GKAP1: variants seen among roughly 807,000 people sequenced by gnomAD.
GKAP1 encodes the protein G kinase anchoring protein 1.
GKAP1 carries 31 observed loss-of-function variants against 56.7 expected under a neutral mutation model. The observed-to-expected ratio is 0.55, with a 90% CI of 0.41 to 0.74. The LOEUF is 0.74. Ranked by LOEUF, GKAP1 falls within the 30% of genes least tolerant of loss-of-function variation. GKAP1 has a pLI of 0.00. For synonymous variants in GKAP1, 151 were observed against 138.6 expected (o/e 1.09, Z -0.63); for missense variants, 364 against 402.3 (o/e 0.90, Z 0.82).
At chr9:83,767,740 T>G (rs1420030284) in intron 8 of GKAP1, among the ~76,000 whole-genome samples, 1 of 152,174 alleles carries the variant, frequency 6.6e-6, no homozygotes, top group Non-Finnish European at 1.5e-5. Context: ...CAGACTGGAG[T>G]GCAGTGGCAC....
chr9:83,743,169 A>C (rs564850748), intron 10 of GKAP1, among the ~76,000 whole-genome samples: 2 of 152,236 alleles, frequency 1.3e-5, no homozygotes, highest in African/African-American at 4.8e-5. Flanking sequence ...TCAATAAAAA[A>C]ATACATATTT....
At chr9:83,785,595 C>T (rs1221108236) in intron 5 of GKAP1, among the ~76,000 whole-genome samples, 2 of 152,162 alleles carry the variant, frequency 1.3e-5, no homozygotes, top group Non-Finnish European at 1.5e-5. Context: ...TCCTTGCCTA[C>T]TCTCCTACAC....
intron 7 of GKAP1, among the ~76,000 whole-genome samples, chr9:83,778,881 T>C (rs1443575745): frequency 1.0e-5 from 1 of 97,496 alleles, no homozygotes; most frequent in African/African-American, 3.1e-5. Context: ...AACACAGCTC[T>C]AAAATAAGGA....
rs147250524 is a variant in GKAP1, at chr9:83,775,655, C to T, written c.585+4727G>A. On this transcript the variant is annotated intron_variant, in intron 7 of 12. Transcript: ENST00000376371. ...CTATGGGAGGCCAAGGCCGGTAGAT[C>T]ACTTGAGGCCAGGAGTTTGAGACCA... 4.9e-3 allele frequency among the ~76,000 whole-genome samples: 748 copies of T among 151,894 alleles called. 5 individuals are homozygous for T. Among genetic ancestry groups the T allele is most frequent in the African/African-American group, 0.017 (719 of 41,438 alleles).
intron 3 of GKAP1, among the ~76,000 whole-genome samples, chr9:83,800,743 C>G (rs1052608839): frequency 2.0e-5 from 3 of 152,206 alleles, no homozygotes; most frequent in African/African-American, 7.2e-5. Context: ...TTGTACCAAT[C>G]GCCCAGTTTT....
chr9:83,759,348 C>A (rs915081130), intron 8 of GKAP1, among the ~76,000 whole-genome samples: 1 of 152,076 alleles, frequency 6.6e-6, no homozygotes, highest in Non-Finnish European at 1.5e-5. Context: ...GCAGCCTTGA[C>A]TTCTCAGGTT....
intron 7 of GKAP1, among the ~76,000 whole-genome samples, chr9:83,777,463 A>G (rs1943883247): frequency 6.6e-6 from 1 of 152,200 alleles, no homozygotes; most frequent in African/African-American, 2.4e-5. Context: ...TGATTTGTTG[A>G]GATTTTATAA....
Position 83,768,359 on chromosome 9 carries a change from C to G in GKAP1, c.738+459G>C, listed in dbSNP as rs148497657. Among the ~76,000 whole-genome samples the G allele has an allele frequency of 6.3e-4, 96 of 152,282 alleles. 2 individuals carry two copies. The East Asian group carries it at 0.016, about 25-fold the overall frequency. On this transcript the variant is annotated intron_variant, in intron 8 of 12. Coordinates refer to ENST00000376371, the MANE Select transcript of GKAP1 (RefSeq NM_025211.4). ...ACTATTCATACTCCATCCCAAATGTCACTTTTTATATACCCACCACAATTC... is the reference window on the plus strand; with the variant it reads ...ACTATTCATACTCCATCCCAAATGTGACTTTTTATATACCCACCACAATTC...
chr9:83,776,237 T>C (rs1387804999), intron 7 of GKAP1, among the ~76,000 whole-genome samples: 1 of 152,100 alleles, frequency 6.6e-6, no homozygotes, highest in Non-Finnish European at 1.5e-5. Flanking sequence ...ATGTAACACA[T>C]ACAAACAAGG....
chr9:83,747,725 C>A (rs1043151022), intron 10 of GKAP1, among the ~76,000 whole-genome samples: 1 of 151,972 alleles, frequency 6.6e-6, no homozygotes, highest in Non-Finnish European at 1.5e-5. Context: ...CAACCTCTGC[C>A]TCCTGAGTTC....
intron 6 of GKAP1, among the ~76,000 whole-genome samples, chr9:83,781,541 A>C (rs1564202850): frequency 6.6e-6 from 1 of 152,242 alleles, no homozygotes; most frequent in Non-Finnish European, 1.5e-5. Context: ...TTTCTTGATC[A>C]GAATAGTGTC....
At chr9:83,790,074 T>C (rs887848980) in intron 4 of GKAP1, among the ~76,000 whole-genome samples, 16 of 152,136 alleles carry the variant, frequency 1.1e-4, no homozygotes, top group Non-Finnish European at 1.8e-4. Flanking sequence ...CACTATGAAC[T>C]AAACATTTCT....
intron 3 of GKAP1, 37 bp downstream of exon 3, chr9:83,806,265 C>T: frequency 1.5e-6 from 2 of 1,335,066 alleles, no homozygotes; most frequent in Non-Finnish European, 2.1e-6. Flanking sequence ...TGATTACCAT[C>T]TACTGGGAAA....
chr9:83,798,765 C>T (rs1944287009), intron 4 of GKAP1, among the ~76,000 whole-genome samples: 1 of 152,166 alleles, frequency 6.6e-6, no homozygotes, highest in African/African-American at 2.4e-5. Context: ...ATCCACCCGC[C>T]TCAGACTCCC....
intron 8 of GKAP1, among the ~76,000 whole-genome samples, chr9:83,767,708 AAC>A (rs1452594612): frequency 6.6e-6 from 1 of 151,398 alleles, no homozygotes; most frequent in Non-Finnish European, 1.5e-5. Flanking sequence ...TTAATTTTGA[AAC>A]ACAGTCTTGC....
At chr9:83,802,275 T>C (rs1587736754) in intron 3 of GKAP1, among the ~76,000 whole-genome samples, 1 of 151,738 alleles carries the variant, frequency 6.6e-6, no homozygotes, top group South Asian at 2.1e-4. Flanking sequence ...GGTCAGGAGT[T>C]CCAGACCAGC....
chr9:83,742,443 G>A lies in GKAP1; in HGVS notation c.975+87C>T, dbSNP rs549668223. Reference sequence around the variant, plus strand: ...ATAATTTATACTACATCCTTACAGTGTTGATGAGCTGTATTTGTTAAGTTT... The same window carrying A: ...ATAATTTATACTACATCCTTACAGTATTGATGAGCTGTATTTGTTAAGTTT... On this transcript the variant is annotated intron_variant, in intron 11 of 12. Coordinates refer to ENST00000376371, the MANE Select transcript of GKAP1 (RefSeq NM_025211.4). The A allele has an allele frequency of 1.0e-5, 8 of 800,944 alleles. No individual in the cohort carries two copies. The East Asian group carries it at 2.0e-4, about 20-fold the overall frequency. The allele number at this position is 800,944 out of a possible 1,614,324, so 49.6% of individuals were successfully genotyped here.
chr9:83,770,087 T>C (rs1217704530), intron 7 of GKAP1, among the ~76,000 whole-genome samples: 2 of 152,226 alleles, frequency 1.3e-5, no homozygotes, highest in Non-Finnish European at 2.9e-5. Context: ...GTTCTTTATA[T>C]ATTCTAAATG....
At chr9:83,750,132 T>C (rs1324858767) in intron 9 of GKAP1, among the ~76,000 whole-genome samples, 1 of 147,168 alleles carries the variant, frequency 6.8e-6, no homozygotes, top group Non-Finnish European at 1.5e-5. Context: ...GTTTACGGTC[T>C]AAAATAGCTC....
Sources: gnomAD v4.1 joint callset for allele counts (sites outside exome capture counted in the v4.1 genomes callset) on GRCh38, gnomAD v4.1.1 for gene constraint, MANE v1.5 for transcripts, NCBI Gene and HGNC (gene_info 2026-07-23, HGNC 2026-07-21) for gene names.